SUSD1: variants seen among roughly 807,000 people sequenced by gnomAD.
SUSD1 encodes the protein sushi domain containing 1.
A neutral mutation model predicts 86.9 loss-of-function variants in SUSD1; 65 were observed. The ratio of observed to expected loss-of-function variants is 0.75; its 90% CI spans 0.61 to 0.92. The LOEUF is 0.92. Ranked by LOEUF, SUSD1 falls within the 40% of genes least tolerant of loss-of-function variation. The probability of loss-of-function intolerance (pLI) is 0.00; values close to 1 mark genes in which losing one functional copy is unlikely to be tolerated. For synonymous variants in SUSD1, 346 were observed against 350.0 expected, an observed-to-expected ratio of 0.99 and a Z score of 0.13; for missense variants, 850 against 929.7, an observed-to-expected ratio of 0.91 and a Z score of 1.11.
chr9:112,047,336 T>C (rs1827999362), intron 15 of SUSD1, among the ~76,000 whole-genome samples: 2 of 152,104 alleles, frequency 1.3e-5, no homozygotes, highest in South Asian at 4.1e-4. Flanking sequence ...ACCAGGCCCC[T>C]CCTTCAATAC....
At chr9:112,048,541 A>G (rs1828053046) in intron 15 of SUSD1, among the ~76,000 whole-genome samples, 1 of 152,214 alleles carries the variant, frequency 6.6e-6, no homozygotes, top group Admixed American at 6.5e-5. Flanking sequence ...TTCCTCAGTA[A>G]TCATTCAGCC....
chr9:112,116,502 A>C (rs1244238836), intron 6 of SUSD1, among the ~76,000 whole-genome samples: 7 of 152,218 alleles, frequency 4.6e-5, no homozygotes, highest in Non-Finnish European at 1.0e-4. Context: ...TCCTCTTTGG[A>C]GCTGTCCCAG....
chr9:112,076,521 G>A (rs893615046), intron 12 of SUSD1, among the ~76,000 whole-genome samples: 9 of 152,140 alleles, frequency 5.9e-5, no homozygotes, highest in Admixed American at 3.3e-4. Context: ...TTGGGGGCGA[G>A]GGCAGAGGTG....
chr9:112,104,450 G>C (rs1423046115), intron 8 of SUSD1, among the ~76,000 whole-genome samples: 1 of 152,100 alleles, frequency 6.6e-6, no homozygotes, highest in Non-Finnish European at 1.5e-5. Context: ...CTGTAGATTA[G>C]TAATGGGGAA....
At chr9:112,107,945 A>G (rs1830921798) in intron 8 of SUSD1, among the ~76,000 whole-genome samples, 1 of 152,230 alleles carries the variant, frequency 6.6e-6, no homozygotes. Flanking sequence ...CCTTACAGGC[A>G]AACACTCTAC....
intron 15 of SUSD1, among the ~76,000 whole-genome samples, chr9:112,048,821 C>T (rs965847428): frequency 1.3e-5 from 2 of 152,112 alleles, no homozygotes; most frequent in African/African-American, 4.8e-5. Flanking sequence ...ATCAGGAAAT[C>T]CAGATGGAAG....
At chr9:112,138,266 C>CACATAT (rs1554770381) in intron 5 of SUSD1, among the ~76,000 whole-genome samples, 3 of 62,866 alleles carry the variant, frequency 4.8e-5, no homozygotes, top group Non-Finnish European at 9.4e-5. Flanking sequence ...TGTGTATATA[C>CACATAT]ATATATATAT....
intron 13 of SUSD1, among the ~76,000 whole-genome samples, chr9:112,060,231 C>G (rs1408534208): frequency 1.3e-5 from 2 of 152,050 alleles, no homozygotes; most frequent in Non-Finnish European, 2.9e-5. Context: ...TCCCAAACAT[C>G]CTAGGTATCC....
At position 112,097,891 on chromosome 9, in the gene SUSD1, T is replaced by C. The variant is rs188857196; in HGVS notation, c.1474+579A>G. 1.6e-4 allele frequency among the ~76,000 whole-genome samples: 24 copies of C among 152,224 alleles called. No individual in the cohort carries two copies. In the East Asian group the frequency reaches 4.2e-3, roughly 27 times the overall value. ...CCACAGGATTAAAGAACAAAAGAAA[T>C]AGTAGTGATGGCTGCACCACAGCCA... On this transcript the variant is annotated intron_variant, in intron 10 of 16. Transcript: ENST00000374270.
At chr9:112,127,260 C>T (rs1214811588) in intron 5 of SUSD1, among the ~76,000 whole-genome samples, 1 of 152,176 alleles carries the variant, frequency 6.6e-6, no homozygotes, top group Non-Finnish European at 1.5e-5. Flanking sequence ...TGTAATCCTA[C>T]TACTCAGGAG....
At position 112,142,469 on chromosome 9, in the gene SUSD1, G is replaced by A. The variant is rs1308363581; in HGVS notation, c.557C>T (p.Pro186Leu). Residue 186 changes from proline to leucine, a missense_variant, in exon 5 of 17, where the codon CCA becomes CTA. By Grantham distance (98) the Pro-to-Leu change is moderately conservative. Transcript: ENST00000374270. ...ATAATTTCCTATGATATAGCCATCT[G>A]GAACCTCAGGAGGGGTACCACAGTC... ...EIDCGTPPEV[P>L]DGYIIGNYTS... 6.2e-7 allele frequency: 1 copy of A among 1,613,276 alleles called. No individual in the cohort carries two copies. The highest frequency in any genetic ancestry group is 8.5e-7 in the Non-Finnish European group (1 of 1,179,880).
intron 10 of SUSD1, among the ~76,000 whole-genome samples, chr9:112,090,485 T>C (rs1340944594): frequency 1.3e-5 from 2 of 151,906 alleles, no homozygotes. Flanking sequence ...GCATAAATAA[T>C]GAAGGAAACT....
At chr9:112,071,443 T>C (rs1829265873) in intron 12 of SUSD1, among the ~76,000 whole-genome samples, 1 of 151,122 alleles carries the variant, frequency 6.6e-6, no homozygotes, top group Non-Finnish European at 1.5e-5. Context: ...CAGGGCAACA[T>C]AATGAAACTC....
intron 2 of SUSD1, 32 bp from the exon 3 acceptor site, chr9:112,149,431 C>G (rs752934747): frequency 6.2e-7 from 1 of 1,608,140 alleles, no homozygotes; most frequent in East Asian, 2.2e-5. Context: ...ACCGGAAGAG[C>G]TATCAATCCA....
chr9:112,155,907 AAAG>A (rs1227802751), intron 2 of SUSD1, among the ~76,000 whole-genome samples: 2 of 151,350 alleles, frequency 1.3e-5, no homozygotes, highest in Admixed American at 1.3e-4. Context: ...AGGAGAAAAG[AAAG>A]AAGAGGAGGA....
rs999214100 is a variant in SUSD1 at position 112,041,126 on chromosome 9, G to A, written c.*366C>T. The A allele has an allele frequency of 1.8e-5, 7 of 398,886 alleles. No individual in the cohort carries two copies. The highest frequency in any genetic ancestry group is 1.4e-4 in the African/African-American group (7 of 50,666). 24.7% of individuals were successfully genotyped at this position (398,886 alleles called of 1,614,324 possible). A position where few individuals can be genotyped will look rare whatever the true frequency, so the allele number is the denominator to read the frequency against. ...TATAGGAGGTTGCAGAGATTCTCTT[G>A]CAGTCAATGTCTAGAGGAGCTGACC... is the stretch of plus-strand genomic sequence containing the variant. On this transcript the variant is annotated 3_prime_UTR_variant, in exon 17 of 17. Transcript: ENST00000374270.
chr9:112,058,815 G>A, intron 13 of SUSD1, 129 bp from the exon 14 acceptor site: 3 of 1,160,944 alleles, frequency 2.6e-6, no homozygotes, highest in South Asian at 3.1e-5. Context: ...TTTTTTTTGA[G>A]ATGGAGTCTT....
intron 15 of SUSD1, among the ~76,000 whole-genome samples, chr9:112,046,655 G>A (rs1347408206): frequency 3.3e-5 from 5 of 152,096 alleles, no homozygotes; most frequent in African/African-American, 4.8e-5. Context: ...AATATACACG[G>A]GCATGGTCAC....
intron 10 of SUSD1, 43 bp from the exon 11 acceptor site, chr9:112,080,208 A>G (rs1327526223): frequency 7.1e-7 from 1 of 1,409,358 alleles, no homozygotes; most frequent in South Asian, 1.2e-5. Flanking sequence ...CACTCTATAG[A>G]AAAAATGCTA....
Sources: gnomAD v4.1 joint callset for allele counts (sites outside exome capture counted in the v4.1 genomes callset) on GRCh38, gnomAD v4.1.1 for gene constraint, MANE v1.5 for transcripts, NCBI Gene and HGNC (gene_info 2026-07-23, HGNC 2026-07-21) for gene names.